The following TRIM67 variants were observed in gnomAD, a reference collection of about 807,000 sequenced individuals.
TRIM67 encodes tripartite motif-containing protein 67.
In TRIM67, 39 loss-of-function variants were observed where a neutral mutation model predicts 71.0. That is an observed-to-expected ratio of 0.55 (90% CI 0.43 to 0.72). The LOEUF is 0.72. TRIM67 is among the 30% of genes least tolerant of loss of function. The pLI, the probability that TRIM67 is intolerant of heterozygous loss-of-function variation, is 0.00. For synonymous variants in TRIM67, 481 were observed against 473.9 expected, an observed-to-expected ratio of 1.01 and a Z score of -0.19; for missense variants, 973 against 1,079.2, an observed-to-expected ratio of 0.90 and a Z score of 1.38.
In TRIM67 at chr1:231,220,084, A is replaced by G. The variant is rs796423933; in HGVS notation, c.*4644A>G. On this transcript the variant is annotated 3_prime_UTR_variant, in exon 10 of 10. Transcript: ENST00000366653. The stretch of plus-strand genomic sequence containing the variant: ...TCTGATGTATTGTGAGGATTATACA[A>G]TAACATTTTTAAAGAAAAAAAGTGC... 18 of 687,924 alleles carry G rather than the reference A, an allele frequency of 2.6e-5. No homozygotes were observed. In the African/African-American group the frequency reaches 3.2e-4, roughly 12 times the overall value. 42.6% of individuals were successfully genotyped at this position (687,924 alleles called of 1,614,324 possible). A position where few individuals can be genotyped will look rare whatever the true frequency, so the allele number is the denominator to read the frequency against.
intron 1 of TRIM67, among the ~76,000 whole-genome samples, chr1:231,170,210 T>C (rs112438151): frequency 0.039 from 5,922 of 152,134 alleles, 192 homozygotes; most frequent in African/African-American, 0.089. Flanking sequence ...GGTCTCAAAC[T>C]CCCAACCTCA....
intron 7 of TRIM67, among the ~76,000 whole-genome samples, chr1:231,208,163 C>T (rs1021274564): frequency 6.6e-6 from 1 of 151,274 alleles, no homozygotes; most frequent in Non-Finnish European, 1.5e-5. Context: ...CGCCCACCAC[C>T]ATGTCCAGCG....
chr1:231,200,976 C>A (rs1266820381), intron 4 of TRIM67, among the ~76,000 whole-genome samples: 1 of 152,080 alleles, frequency 6.6e-6, no homozygotes, highest in Non-Finnish European at 1.5e-5. Context: ...AATATGCTTT[C>A]TTTAGACACT....
chr1:231,205,917 T>G (rs903868375), intron 6 of TRIM67, among the ~76,000 whole-genome samples: 4 of 152,032 alleles, frequency 2.6e-5, no homozygotes, highest in African/African-American at 9.7e-5. Context: ...CAGGTAGACC[T>G]TGGCAGAGTC....
At chr1:231,213,679 C>T (rs938677661) in intron 8 of TRIM67, 136 bp from the exon 9 acceptor site, 2 of 1,072,454 alleles carry the variant, frequency 1.9e-6, no homozygotes, top group Non-Finnish European at 2.6e-6. Flanking sequence ...TGTTGTGCAC[C>T]GAGATGGCGT....
intron 1 of TRIM67, chr1:231,184,016 T>A (rs1682982576): frequency 6.6e-6 from 1 of 152,208 alleles, no homozygotes; most frequent in Non-Finnish European, 1.5e-5. Context: ...GGTCTCTTTG[T>A]CTCTTTGTTC....
At chr1:231,176,447 G>A (rs1045552626) in intron 1 of TRIM67, among the ~76,000 whole-genome samples, 8 of 151,888 alleles carry the variant, frequency 5.3e-5, no homozygotes, top group African/African-American at 1.9e-4. Context: ...GCTTGAGCTG[G>A]GGTCACGGAT....
intron 8 of TRIM67, 50 bp from the exon 9 acceptor site, chr1:231,213,765 A>G (rs190162915): frequency 1.3e-6 from 2 of 1,521,136 alleles, no homozygotes; most frequent in African/African-American, 1.4e-5. Context: ...GTTATCACCT[A>G]CATCCCAGGC....
chr1:231,193,503 GCTCTCTCT>G (rs3049035), intron 1 of TRIM67, among the ~76,000 whole-genome samples: 5,440 of 81,974 alleles, frequency 0.066, 386 homozygotes, highest in African/African-American at 0.2. Context: ...TCTCTCTCAA[GCTCTCTCT>G]CTCTCTCTCT....
chr1:231,163,787 G>T lies in TRIM67; in HGVS notation c.818G>T (p.Gly273Val). The change falls in exon 1 of 10, where the codon GGC becomes GTC. Residue 273 changes from glycine to valine, a missense_variant. Coordinates refer to ENST00000366653, the MANE Select transcript of TRIM67 (RefSeq NM_001004342.5). The stretch of plus-strand genomic sequence containing the variant: ...TCCGGGCCCACTGGCACCGCCCAGG[G>T]CGCCCCCAGCGGAGGCGGCGGCTGC... Reference protein sequence around the residue: ...AASGPTGTAQGAPSGGGGCKS... With the variant: ...AASGPTGTAQVAPSGGGGCKS... 6.7e-7 allele frequency: 1 copy of T among 1,489,924 alleles called. No individual in the cohort carries two copies. Among genetic ancestry groups the T allele is most frequent in the Non-Finnish European group, 9.0e-7 (1 of 1,117,134 alleles). 92.3% of individuals were successfully genotyped at this position (1,489,924 alleles called of 1,614,324 possible). A position where few individuals can be genotyped will look rare whatever the true frequency, so the allele number is the denominator to read the frequency against.
intron 7 of TRIM67, 77 bp downstream of exon 7, chr1:231,206,867 A>C: frequency 6.9e-7 from 1 of 1,443,564 alleles, no homozygotes; most frequent in Non-Finnish European, 9.3e-7. Context: ...CACTTGTGGC[A>C]GCTATGATGA....
In TRIM67 at chr1:231,197,359, T is replaced by C. The variant is rs1414007721; in HGVS notation, c.1045-12T>C. The C allele has an allele frequency of 6.2e-7, 1 of 1,611,252 alleles. No homozygotes were observed. Among genetic ancestry groups the C allele is most frequent in the Non-Finnish European group, 8.5e-7 (1 of 1,178,768 alleles). On this transcript the variant is annotated splice_polypyrimidine_tract_variant and intron_variant, in intron 1 of 9. Transcript: ENST00000366653. ...ACTAATTTTTCTTTTCAACATGTGATATCTTTTTCAGGCACAACTATCTCA... is the reference window on the plus strand; with the variant it reads ...ACTAATTTTTCTTTTCAACATGTGACATCTTTTTCAGGCACAACTATCTCA...
At chr1:231,175,256 C>T (rs1452191021) in intron 1 of TRIM67, among the ~76,000 whole-genome samples, 1 of 152,180 alleles carries the variant, frequency 6.6e-6, no homozygotes, top group Non-Finnish European at 1.5e-5. Flanking sequence ...AGTACTGTCT[C>T]CCCAGCAGGG....
intron 1 of TRIM67, among the ~76,000 whole-genome samples, chr1:231,181,841 C>G (rs1395490675): frequency 6.6e-6 from 1 of 152,160 alleles, no homozygotes; most frequent in African/African-American, 2.4e-5. Context: ...CTTCTTTTCT[C>G]TATTCTGAAC....
intron 2 of TRIM67, among the ~76,000 whole-genome samples, chr1:231,198,076 C>T (rs192704752): frequency 1.3e-5 from 2 of 152,332 alleles, no homozygotes; most frequent in East Asian, 3.9e-4. Flanking sequence ...TGATCTAGCA[C>T]TCTACGTGCC....
In TRIM67 at chr1:231,219,677, A is replaced by G; in HGVS notation, c.*4237A>G. The G allele has an allele frequency of 3.4e-6, 4 of 1,171,084 alleles. No homozygotes were observed. Among genetic ancestry groups the G allele is most frequent in the Non-Finnish European group, 4.3e-6 (4 of 934,026 alleles). The allele number at this position is 1,171,084 out of a possible 1,614,324, so 72.5% of individuals were successfully genotyped here. ...TACTGGAAGCAACAGGAACTTCTTA[A>G]TGGGTTTGTGGCCCTCAATTGGTTT... On this transcript the variant is annotated 3_prime_UTR_variant, in exon 10 of 10. Transcript: ENST00000366653.
intron 1 of TRIM67, chr1:231,184,739 T>G: frequency 2.6e-5 from 12 of 463,800 alleles, no homozygotes; most frequent in Admixed American, 7.4e-5. Context: ...CTCTCTGGGG[T>G]TCTCATTCTA....
At chr1:231,186,771 T>TC (rs1683088579) in intron 1 of TRIM67, among the ~76,000 whole-genome samples, 2 of 152,106 alleles carry the variant, frequency 1.3e-5, no homozygotes, top group Admixed American at 1.3e-4. Context: ...CCGTCGCCCT[T>TC]CCCCTGAGGC....
Position 231,219,927 on chromosome 1 carries a change from A to G in TRIM67, c.*4487A>G. 1.6e-6 allele frequency: 2 copies of G among 1,289,898 alleles called. No homozygotes were observed. The highest frequency in any genetic ancestry group is 2.0e-6 in the Non-Finnish European group (2 of 988,882). 79.9% of individuals were successfully genotyped at this position (1,289,898 alleles called of 1,614,324 possible). ...GATGTATTGATCAGACACCAAGTTC[A>G]GCCCTCGGTTACTTCCCTCTTTTAA... On this transcript the variant is annotated 3_prime_UTR_variant, in exon 10 of 10. Transcript: ENST00000366653.
Sources: gnomAD v4.1 joint callset for allele counts (sites outside exome capture counted in the v4.1 genomes callset) on GRCh38, gnomAD v4.1.1 for gene constraint, MANE v1.5 for transcripts, NCBI Gene and HGNC (gene_info 2026-07-23, HGNC 2026-07-21) for gene names.